The following CDH4 variants were observed in gnomAD, a reference collection of about 807,000 sequenced individuals.
CDH4 encodes the protein cadherin-4.
In CDH4, 33 loss-of-function variants were observed where a neutral mutation model predicts 86.0. That is an observed-to-expected ratio of 0.38 (90% CI 0.29 to 0.51). CDH4 has a LOEUF of 0.51. Ranked by LOEUF, CDH4 falls within the 20% of genes least tolerant of loss-of-function variation. The pLI, the probability that CDH4 is intolerant of heterozygous loss-of-function variation, is 0.86. For synonymous variants in CDH4, 555 were observed against 549.4 expected (o/e 1.01, Z -0.14); for missense variants, 1,114 against 1,307.4 (o/e 0.85, Z 2.28).
At chr20:61,300,770 T>G (rs1379398512) in intron 2 of CDH4, among the ~76,000 whole-genome samples, 1 of 152,184 alleles carries the variant, frequency 6.6e-6, no homozygotes, top group Non-Finnish European at 1.5e-5. Context: ...CAGTCTCTTC[T>G]ACTCCCAGGA....
chr20:61,934,979 G>A (rs773835001), intron 15 of CDH4, among the ~76,000 whole-genome samples: 8 of 152,326 alleles, frequency 5.3e-5, no homozygotes, highest in African/African-American at 1.7e-4. Flanking sequence ...CCCTGTCTTC[G>A]TTCCCGTCTT....
Position 61,459,223 on chromosome 20 carries a change from G to C in CDH4, c.169+204286G>C, listed in dbSNP as rs2085428443. Among the ~76,000 whole-genome samples the C allele has an allele frequency of 1.3e-5, 2 of 152,076 alleles. 1 individual carries two copies. The highest frequency in any genetic ancestry group is 4.1e-4 in the South Asian group (2 of 4,820). On this transcript the variant is annotated intron_variant, in intron 2 of 15. Transcript: ENST00000614565. ...CTTCTCCAGAAGGTTGGTCCTGTGG[G>C]AGTATCGCTTTATCCCAGTTTTTGG... is the stretch of plus-strand genomic sequence containing the variant.
chr20:61,590,332 C>T (rs929020984), intron 2 of CDH4, among the ~76,000 whole-genome samples: 7 of 152,040 alleles, frequency 4.6e-5, no homozygotes, highest in Non-Finnish European at 1.0e-4. Context: ...TACTTTTGCT[C>T]GTGATCACAG....
chr20:61,306,483 C>T (rs558301676), intron 2 of CDH4, among the ~76,000 whole-genome samples: 17 of 151,976 alleles, frequency 1.1e-4, no homozygotes, highest in African/African-American at 3.4e-4. Flanking sequence ...ATTACAGGTG[C>T]CTGCCTCTAT....
chr20:61,731,796 G>A (rs1037555196), intron 2 of CDH4, among the ~76,000 whole-genome samples: 10 of 152,234 alleles, frequency 6.6e-5, no homozygotes, highest in East Asian at 1.9e-4. Context: ...CTGGCACCAC[G>A]GGGGTGCGGC....
intron 8 of CDH4, among the ~76,000 whole-genome samples, chr20:61,900,032 C>T (rs1985312044): frequency 6.6e-6 from 1 of 152,212 alleles, no homozygotes. Flanking sequence ...TGCGGTCCCT[C>T]CTCGGAAGTG....
chr20:61,296,189 C>CGT lies in CDH4; in HGVS notation c.169+41264_169+41265dup, dbSNP rs941398632. ...TTGTCGAAATAAGTATGAGTGTGTG[C>CGT]GTGTGTGTGTGTGAGAGAGAGACCT... On this transcript the variant is annotated intron_variant, in intron 2 of 15. Coordinates refer to ENST00000614565, the MANE Select transcript of CDH4 (RefSeq NM_001794.5). 7.0e-5 allele frequency among the ~76,000 whole-genome samples: 10 copies of CGT among 143,172 alleles called. No homozygotes were observed. The South Asian group carries it at 9.7e-4, about 14-fold the overall frequency. 93.9% of individuals were successfully genotyped at this position (143,172 alleles called of 152,430 possible).
intron 2 of CDH4, among the ~76,000 whole-genome samples, chr20:61,477,533 T>C (rs1600703090): frequency 6.6e-6 from 1 of 152,230 alleles, no homozygotes; most frequent in African/African-American, 2.4e-5. Flanking sequence ...AGATGAGGGC[T>C]GTGCTTTCTG....
Position 61,545,490 on chromosome 20 carries a change from T to C in CDH4, c.170-198073T>C, listed in dbSNP as rs1478281475. 6.6e-5 allele frequency among the ~76,000 whole-genome samples: 10 copies of C among 152,380 alleles called. No individual in the cohort carries two copies. The East Asian group carries it at 1.9e-3, about 29-fold the overall frequency. On this transcript the variant is annotated intron_variant, in intron 2 of 15. Transcript: ENST00000614565. Reference sequence around the variant, plus strand: ...CACGGTGTCCCTCATTGCTGGCGTCTGGCGTTCAGTCACTGTCTGGGCACC... The same window carrying C: ...CACGGTGTCCCTCATTGCTGGCGTCCGGCGTTCAGTCACTGTCTGGGCACC...
chr20:61,273,129 G>A (rs552538010), intron 2 of CDH4, among the ~76,000 whole-genome samples: 1 of 122,238 alleles, frequency 8.2e-6, no homozygotes, highest in East Asian at 2.8e-4. Context: ...ACCATGTGCA[G>A]TTTTGGGGAG....
chr20:61,877,799 A>G (rs1984099008), intron 7 of CDH4, among the ~76,000 whole-genome samples: 1 of 152,012 alleles, frequency 6.6e-6, no homozygotes, highest in Non-Finnish European at 1.5e-5. Context: ...TCGTGGGGGG[A>G]CAGCAGAGCC....
intron 2 of CDH4, among the ~76,000 whole-genome samples, chr20:61,367,228 A>G (rs1393340180): frequency 1.3e-5 from 2 of 148,250 alleles, no homozygotes; most frequent in Non-Finnish European, 3.0e-5. Flanking sequence ...CCCTGAGATC[A>G]CATTTCCTAA....
intron 2 of CDH4, among the ~76,000 whole-genome samples, chr20:61,649,329 C>T (rs1039546626): frequency 2.6e-4 from 40 of 152,350 alleles, no homozygotes; most frequent in African/African-American, 9.1e-4. Context: ...TTCAAAGAGG[C>T]GTGCTGGGCT....
intron 2 of CDH4, among the ~76,000 whole-genome samples, chr20:61,534,666 T>TTTC (rs1491143288): frequency 1.8e-4 from 14 of 79,706 alleles, no homozygotes; most frequent in East Asian, 1.1e-3. Context: ...TCTTTCTTTC[T>TTTC]TTTTTTTTTT....
intron 2 of CDH4, among the ~76,000 whole-genome samples, chr20:61,655,665 C>T (rs926613962): frequency 6.6e-6 from 1 of 152,242 alleles, no homozygotes; most frequent in African/African-American, 2.4e-5. Context: ...CAGTGTGTTC[C>T]ATCAGTTGGT....
At chr20:61,687,878 T>TG (rs1157578593) in intron 2 of CDH4, among the ~76,000 whole-genome samples, 1 of 152,164 alleles carries the variant, frequency 6.6e-6, no homozygotes, top group Non-Finnish European at 1.5e-5. Context: ...CAGGGGAGCC[T>TG]GGGGGCTTTT....
rs141406345 is a variant in CDH4, at chr20:61,444,979, G to A, written c.169+190042G>A. ...TGTATATGTGTGTGGGTTTCTTTGC[G>A]TGTGTGTTTGTATGTATCTGCATGT... On this transcript the variant is annotated intron_variant, in intron 2 of 15. Transcript: ENST00000614565. Among the ~76,000 whole-genome samples the A allele has an allele frequency of 6.6e-5, 10 of 152,104 alleles. No individual in the cohort carries two copies. In the East Asian group the frequency reaches 9.7e-4, roughly 15 times the overall value.
At chr20:61,296,773 G>A (rs2084357533) in intron 2 of CDH4, among the ~76,000 whole-genome samples, 2 of 152,192 alleles carry the variant, frequency 1.3e-5, no homozygotes, top group South Asian at 4.1e-4. Context: ...CATGGCCGAA[G>A]GTCCCTGAAC....
intron 2 of CDH4, among the ~76,000 whole-genome samples, chr20:61,689,930 G>A (rs995792758): frequency 1.4e-5 from 2 of 141,898 alleles, no homozygotes; most frequent in African/African-American, 5.6e-5. Flanking sequence ...GGTTGGTGAG[G>A]TGATGTGGAA....
Sources: allele counts gnomAD v4.1 joint callset (sites outside exome capture counted in the v4.1 genomes callset), GRCh38; gene constraint gnomAD v4.1.1; transcripts MANE v1.5; gene names NCBI Gene and HGNC (gene_info 2026-07-23, HGNC 2026-07-21).